Variants in SLIT3 observed in about 807,000 individuals in gnomAD.
The protein encoded by SLIT3 is slit homolog 3 protein.
In SLIT3, 68 loss-of-function variants were observed where a neutral mutation model predicts 184.0. The ratio of observed to expected loss-of-function variants is 0.37; its 90% confidence interval spans 0.30 to 0.45. SLIT3 has a LOEUF of 0.45. SLIT3 is among the 20% of genes least tolerant of loss of function. The pLI, the probability that SLIT3 is intolerant of heterozygous loss-of-function variation, is 1.00. For missense variants in SLIT3, 1,707 were observed against 2,026.0 expected (o/e 0.84, Z 3.02); for synonymous variants, 831 against 828.6 (o/e 1.00, Z -0.05).
chr5:169,149,825 C>T (rs754156293), intron 4 of SLIT3, among the ~76,000 whole-genome samples: 5 of 152,168 alleles, frequency 3.3e-5, no homozygotes, highest in Non-Finnish European at 5.9e-5. Flanking sequence ...AAGCTCTAGC[C>T]ACAGTGGATG....
intron 4 of SLIT3, among the ~76,000 whole-genome samples, chr5:168,975,020 A>T (rs1754700676): frequency 6.6e-6 from 1 of 152,198 alleles, no homozygotes; most frequent in Non-Finnish European, 1.5e-5. Flanking sequence ...ACATAACCAC[A>T]GCATCCTCAG....
intron 4 of SLIT3, among the ~76,000 whole-genome samples, chr5:169,099,099 C>G (rs1759907607): frequency 6.6e-6 from 1 of 152,076 alleles, no homozygotes; most frequent in Admixed American, 6.6e-5. Flanking sequence ...CTTCCCTACC[C>G]CAGCCCCTCT....
chr5:168,852,729 A>G (rs1395946404), intron 5 of SLIT3, among the ~76,000 whole-genome samples: 2 of 152,192 alleles, frequency 1.3e-5, no homozygotes, highest in East Asian at 3.8e-4. Flanking sequence ...ATTATTGGCT[A>G]CCTGTTTTTT....
intron 4 of SLIT3, among the ~76,000 whole-genome samples, chr5:168,897,381 C>A (rs184610282): frequency 6.6e-6 from 1 of 151,810 alleles, no homozygotes; most frequent in Admixed American, 6.6e-5. Context: ...AGTCCATGAA[C>A]GTGTGATCCC....
At chr5:168,931,686 C>T (rs964681061) in intron 4 of SLIT3, among the ~76,000 whole-genome samples, 1 of 152,214 alleles carries the variant, frequency 6.6e-6, no homozygotes, top group African/African-American at 2.4e-5. Flanking sequence ...AGCCTCCCAG[C>T]TTTCATAGCT....
chr5:168,847,466 A>T (rs1354543512), intron 5 of SLIT3, among the ~76,000 whole-genome samples: 7 of 152,366 alleles, frequency 4.6e-5, no homozygotes, highest in Non-Finnish European at 7.3e-5. Context: ...AACAAAAACC[A>T]CAGCGGTTAC....
At chr5:169,299,374 A>G (rs937607975) in intron 1 of SLIT3, among the ~76,000 whole-genome samples, 1 of 152,162 alleles carries the variant, frequency 6.6e-6, no homozygotes, top group African/African-American at 2.4e-5. Context: ...CTCTAGGACA[A>G]TGCTTGTCAT....
intron 26 of SLIT3, 127 bp downstream of exon 26, chr5:168,707,849 G>T: frequency 8.6e-7 from 1 of 1,156,390 alleles, no homozygotes; most frequent in Non-Finnish European, 1.2e-6. Flanking sequence ...GGTGACCTGT[G>T]CGATGGACTC....
intron 4 of SLIT3, among the ~76,000 whole-genome samples, chr5:169,104,466 G>C (rs568879519): frequency 6.6e-6 from 1 of 152,272 alleles, no homozygotes; most frequent in South Asian, 2.1e-4. Context: ...AAATGAAAAG[G>C]CTTTAAAAAC....
rs568660668 is a variant in SLIT3 at position 169,159,568 on chromosome 5, C to G, written c.413+33911G>C. ...AGGTGGGCGGATCACAAGGTCAGCA[C>G]ATCGAGACCACCCTGGCTAACATGG... On this transcript the variant is annotated intron_variant, in intron 4 of 35. Transcript: ENST00000519560. Among the ~76,000 whole-genome samples, 8 of 151,460 alleles carry G rather than the reference C, an allele frequency of 5.3e-5. No individual in the cohort carries two copies. In the South Asian group the frequency reaches 1.7e-3, roughly 32 times the overall value.
At chr5:168,924,474 A>G (rs1173659144) in intron 4 of SLIT3, among the ~76,000 whole-genome samples, 4 of 151,304 alleles carry the variant, frequency 2.6e-5, no homozygotes, top group Admixed American at 2.6e-4. Context: ...TTAATAAGGA[A>G]CATTTAAGGG....
chr5:168,818,020 C>T (rs576144279), intron 7 of SLIT3, among the ~76,000 whole-genome samples: 11 of 139,794 alleles, frequency 7.9e-5, no homozygotes, highest in South Asian at 4.2e-4. Flanking sequence ...ACTTTGTGTG[C>T]ACTAGCTGGA....
At chr5:169,044,101 C>T (rs1438313570) in intron 4 of SLIT3, among the ~76,000 whole-genome samples, 1 of 152,180 alleles carries the variant, frequency 6.6e-6, no homozygotes, top group Non-Finnish European at 1.5e-5. Context: ...ACCTCACACC[C>T]ACCAGGATGT....
At chr5:168,712,491 C>T in intron 23 of SLIT3, 137 bp from the exon 24 acceptor site, 1 of 715,136 alleles carries the variant, frequency 1.4e-6, no homozygotes, top group South Asian at 1.6e-5. Context: ...AGCTGCTGCC[C>T]CCTTTGCTCT....
chr5:168,818,391 C>T (rs1757411249), intron 7 of SLIT3, among the ~76,000 whole-genome samples: 1 of 152,108 alleles, frequency 6.6e-6, no homozygotes, highest in South Asian at 2.1e-4. Context: ...TTTCCACTAC[C>T]AGGGAGGCAA....
chr5:169,285,961 G>T (rs1218555541), intron 1 of SLIT3, among the ~76,000 whole-genome samples: 1 of 152,206 alleles, frequency 6.6e-6, no homozygotes, highest in Non-Finnish European at 1.5e-5. Context: ...TGATAAAATG[G>T]TTGTCACTTT....
At chr5:169,178,499 C>T (rs867997342) in intron 4 of SLIT3, among the ~76,000 whole-genome samples, 2 of 152,206 alleles carry the variant, frequency 1.3e-5, no homozygotes, top group African/African-American at 4.8e-5. Context: ...AATGGAGAGT[C>T]ACACGTGCGA....
At chr5:169,151,964 T>G (rs1166631252) in intron 4 of SLIT3, among the ~76,000 whole-genome samples, 1 of 152,216 alleles carries the variant, frequency 6.6e-6, no homozygotes, top group Non-Finnish European at 1.5e-5. Flanking sequence ...TCTCAAGGTG[T>G]TGTTTGAAAA....
At chr5:169,193,770 T>C (rs77780102) in intron 3 of SLIT3, among the ~76,000 whole-genome samples, 22,946 of 152,134 alleles carry the variant, frequency 0.15, 2,074 homozygotes, top group East Asian at 0.44. Context: ...AAAGTAAAAA[T>C]ACAGCACATG....
Sources: gnomAD v4.1 joint callset for allele counts (sites outside exome capture counted in the v4.1 genomes callset) on GRCh38, gnomAD v4.1.1 for gene constraint, MANE v1.5 for transcripts, NCBI Gene and HGNC (gene_info 2026-07-23, HGNC 2026-07-21) for gene names.